TRHDE: variants seen among roughly 807,000 people sequenced by gnomAD.
TRHDE encodes the protein thyrotropin releasing hormone degrading enzyme.
TRHDE carries 72 observed loss-of-function variants against 125.7 expected under a neutral mutation model. The observed-to-expected ratio is 0.57, with a 90% CI of 0.47 to 0.70. The LOEUF is 0.70. Among genes scored for constraint, TRHDE ranks in the 30% least tolerant of loss-of-function variants. TRHDE has a pLI of 0.00. For missense variants in TRHDE, 1,110 were observed against 1,327.1 expected (o/e 0.84, Z 2.54); for synonymous variants, 509 against 509.1 (o/e 1.00, Z 0.00).
intron 1 of TRHDE, among the ~76,000 whole-genome samples, chr12:72,100,902 T>C (rs2139288916): frequency 6.6e-6 from 1 of 152,316 alleles, no homozygotes; most frequent in East Asian, 1.9e-4. Flanking sequence ...TTCCTCTGAA[T>C]AGCTGTGATT....
chr12:72,528,565 T>G (rs978878316), intron 6 of TRHDE, among the ~76,000 whole-genome samples: 1 of 152,290 alleles, frequency 6.6e-6, no homozygotes, highest in South Asian at 2.1e-4. Context: ...CTCAGCTCAC[T>G]GCAACCTCCA....
chr12:72,343,347 T>A (rs563272908), intron 2 of TRHDE, among the ~76,000 whole-genome samples: 16 of 152,256 alleles, frequency 1.1e-4, no homozygotes, highest in African/African-American at 3.6e-4. Flanking sequence ...GTCGGCCGTT[T>A]ATATATGCAA....
chr12:72,349,547 T>C (rs1365387528), intron 2 of TRHDE, among the ~76,000 whole-genome samples: 1 of 148,866 alleles, frequency 6.7e-6, no homozygotes, highest in East Asian at 1.9e-4. Context: ...CCTTTGCCTT[T>C]TTTTGGGCGG....
In TRHDE at chr12:72,666,349, A is replaced by T. The variant is rs1036026844; in HGVS notation, c.*3154A>T. Reference sequence around the variant, plus strand: ...AGGATCACTTGAGCCCAGGGGTTTGAGACCAGTCTGGGAAACATATTGAGG... The same window carrying T: ...AGGATCACTTGAGCCCAGGGGTTTGTGACCAGTCTGGGAAACATATTGAGG... On this transcript the variant is annotated 3_prime_UTR_variant, in exon 19 of 19. Coordinates refer to ENST00000261180, the MANE Select transcript of TRHDE (RefSeq NM_013381.3). The T allele has an allele frequency of 2.0e-5, 3 of 152,072 alleles. No homozygotes were observed. Among genetic ancestry groups the T allele is most frequent in the Non-Finnish European group, 2.9e-5 (2 of 68,054 alleles). The allele number at this position is 152,072 out of a possible 1,614,324, so 9.4% of individuals were successfully genotyped here.
At chr12:72,657,438 C>T (rs545479565) in intron 18 of TRHDE, among the ~76,000 whole-genome samples, 91 of 152,250 alleles carry the variant, frequency 6.0e-4, no homozygotes, top group Middle Eastern at 3.4e-3. Context: ...AAACAGACAA[C>T]GGACATACTG....
chr12:72,638,790 C>T (rs1281135107), intron 15 of TRHDE, among the ~76,000 whole-genome samples: 1 of 152,002 alleles, frequency 6.6e-6, no homozygotes, highest in Non-Finnish European at 1.5e-5. Context: ...ATATGAAATT[C>T]TGGGTTGAAA....
At chr12:72,467,136 G>A (rs1023011712) in intron 3 of TRHDE, among the ~76,000 whole-genome samples, 2 of 152,126 alleles carry the variant, frequency 1.3e-5, no homozygotes, top group Non-Finnish European at 2.9e-5. Flanking sequence ...ACAACGTGCA[G>A]GTTTGTTACA....
At chr12:72,641,132 T>A (rs1323891984) in intron 15 of TRHDE, among the ~76,000 whole-genome samples, 3 of 152,152 alleles carry the variant, frequency 2.0e-5, no homozygotes, top group Non-Finnish European at 2.9e-5. Context: ...CTGGTCAAAT[T>A]AGGTCTGCCA....
At chr12:72,262,864 A>T (rs1878982495) in intron 2 of TRHDE, 1 of 152,126 alleles carries the variant, frequency 6.6e-6, no homozygotes, top group South Asian at 2.1e-4. Flanking sequence ...ACTTTTCCAC[A>T]TTGAAAGATT....
chr12:72,403,793 A>G (rs959863735), intron 3 of TRHDE, among the ~76,000 whole-genome samples: 7 of 152,166 alleles, frequency 4.6e-5, no homozygotes, highest in African/African-American at 1.4e-4. Context: ...TCTGAAGTGG[A>G]TAGTCAGAAT....
intron 2 of TRHDE, among the ~76,000 whole-genome samples, chr12:72,294,851 T>C (rs1054592415): frequency 2.6e-5 from 4 of 151,566 alleles, no homozygotes; most frequent in Admixed American, 6.6e-5. Context: ...CCAAAATTTG[T>C]GGGGGGTGAG....
intron 2 of TRHDE, among the ~76,000 whole-genome samples, chr12:72,356,249 G>A (rs565825713): frequency 6.6e-6 from 1 of 151,710 alleles, no homozygotes; most frequent in Admixed American, 6.6e-5. Context: ...AACATGGATG[G>A]AGCTGGAGGC....
intron 15 of TRHDE, among the ~76,000 whole-genome samples, chr12:72,632,810 C>T (rs1363873955): frequency 1.4e-5 from 2 of 147,408 alleles, no homozygotes; most frequent in Non-Finnish European, 3.0e-5. Flanking sequence ...AGGTCTTTAT[C>T]ATTCTTGCCT....
At chr12:72,502,314 A>T (rs1260320521) in intron 6 of TRHDE, among the ~76,000 whole-genome samples, 1 of 151,990 alleles carries the variant, frequency 6.6e-6, no homozygotes, top group Non-Finnish European at 1.5e-5. Flanking sequence ...TCCTAAGTGT[A>T]CAACTTAGGA....
At chr12:72,441,565 C>T (rs929928182) in intron 3 of TRHDE, among the ~76,000 whole-genome samples, 3 of 151,842 alleles carry the variant, frequency 2.0e-5, no homozygotes, top group Non-Finnish European at 4.4e-5. Context: ...TTTAATCCTT[C>T]TGGAGAATCT....
chr12:72,635,691 G>A (rs1413758111), intron 15 of TRHDE, among the ~76,000 whole-genome samples: 1 of 150,304 alleles, frequency 6.7e-6, no homozygotes, highest in Non-Finnish European at 1.5e-5. Flanking sequence ...AAGGTGTAAG[G>A]AAGGGATCCA....
intron 2 of TRHDE, among the ~76,000 whole-genome samples, chr12:72,339,645 T>C (rs1869990781): frequency 6.6e-6 from 1 of 152,146 alleles, no homozygotes; most frequent in South Asian, 2.1e-4. Context: ...ACAGACATAA[T>C]TATTTATTGG....
intron 1 of TRHDE, among the ~76,000 whole-genome samples, chr12:72,278,683 T>C (rs1879583186): frequency 6.6e-6 from 1 of 152,216 alleles, no homozygotes; most frequent in Non-Finnish European, 1.5e-5. Context: ...TGCATTTCCC[T>C]GATGATAAGT....
At chr12:72,519,881 A>C (rs937903268) in intron 6 of TRHDE, among the ~76,000 whole-genome samples, 1 of 152,084 alleles carries the variant, frequency 6.6e-6, no homozygotes, top group African/African-American at 2.4e-5. Context: ...CCTCAGCTGC[A>C]GGTCTGTTGG....
Sources: gnomAD v4.1 joint callset for allele counts (sites outside exome capture counted in the v4.1 genomes callset) on GRCh38, gnomAD v4.1.1 for gene constraint, MANE v1.5 for transcripts, NCBI Gene and HGNC (gene_info 2026-07-23, HGNC 2026-07-21) for gene names.